MCEE: variants seen among roughly 807,000 people sequenced by gnomAD.
The protein encoded by MCEE is methylmalonyl-CoA epimerase.
In MCEE, 6 loss-of-function variants were observed where a neutral mutation model predicts 12.9. That is an observed-to-expected ratio of 0.47 (90% CI 0.26 to 0.92). MCEE has a LOEUF of 0.92. Ranked by LOEUF, MCEE falls within the 40% of genes least tolerant of loss-of-function variation. The probability of loss-of-function intolerance (pLI) is 0.16; values close to 1 mark genes in which losing one functional copy is unlikely to be tolerated. For synonymous variants in MCEE, 78 were observed against 77.9 expected (o/e 1.00, Z -0.01); for missense variants, 214 against 212.1 (o/e 1.01, Z -0.05).
intron 1 of MCEE, among the ~76,000 whole-genome samples, chr2:71,125,450 AC>A (rs1673208530): frequency 6.6e-6 from 1 of 151,184 alleles, no homozygotes; most frequent in African/African-American, 2.4e-5. Flanking sequence ...CAGGTGATCC[AC>A]CCACCTCGGC....
intron 1 of MCEE, among the ~76,000 whole-genome samples, chr2:71,126,095 C>A (rs995113703): frequency 6.6e-6 from 1 of 152,118 alleles, no homozygotes; most frequent in African/African-American, 2.4e-5. Flanking sequence ...AGCGATCCTC[C>A]GACCTTGGCT....
At chr2:71,112,969 T>C (rs976864331) in intron 2 of MCEE, among the ~76,000 whole-genome samples, 1 of 152,266 alleles carries the variant, frequency 6.6e-6, no homozygotes, top group African/African-American at 2.4e-5. Flanking sequence ...CCATATTTTT[T>C]ACCTCTTGAT....
chr2:71,114,159 C>T (rs370435716), intron 2 of MCEE, among the ~76,000 whole-genome samples: 8 of 151,628 alleles, frequency 5.3e-5, no homozygotes, highest in African/African-American at 1.4e-4. Context: ...TCAGCAGATA[C>T]GATGACTAAA....
intron 1 of MCEE, among the ~76,000 whole-genome samples, chr2:71,129,060 G>T (rs1673305304): frequency 6.6e-6 from 1 of 151,358 alleles, no homozygotes; most frequent in Non-Finnish European, 1.5e-5. Flanking sequence ...GAGACATTAA[G>T]CTTCAAGTAT....
intron 1 of MCEE, among the ~76,000 whole-genome samples, chr2:71,126,568 CAAAA>C (rs70959207): frequency 3.5e-3 from 250 of 72,140 alleles, no homozygotes; most frequent in African/African-American, 0.013. Flanking sequence ...TACATTTTAC[CAAAA>C]AAAAAAAAAA....
At chr2:71,124,060 A>G in intron 2 of MCEE, 146 bp downstream of exon 2, 1 of 639,618 alleles carries the variant, frequency 1.6e-6, no homozygotes, top group Non-Finnish European at 2.7e-6. Context: ...GTAAGGATCC[A>G]CCTTTGAGGA....
intron 2 of MCEE, among the ~76,000 whole-genome samples, chr2:71,116,368 C>T (rs1381005735): frequency 6.7e-6 from 1 of 149,726 alleles, no homozygotes; most frequent in African/African-American, 2.5e-5. Flanking sequence ...CCACCATGCC[C>T]GGCCCTTTAC....
intron 1 of MCEE, 61 bp downstream of exon 1, chr2:71,130,119 C>A: frequency 3.2e-6 from 5 of 1,555,962 alleles, no homozygotes; most frequent in Non-Finnish European, 4.4e-6. Context: ...CTCCTCCGCC[C>A]CCGACCGCCG....
intron 2 of MCEE, among the ~76,000 whole-genome samples, chr2:71,117,783 A>G (rs1354059266): frequency 6.7e-6 from 1 of 150,016 alleles, no homozygotes; most frequent in South Asian, 2.1e-4. Context: ...CAAATCCAAC[A>G]TCTCTGTCTG....
intron 2 of MCEE, chr2:71,116,847 C>G (rs562601758): frequency 1.3e-5 from 2 of 150,740 alleles, no homozygotes; most frequent in East Asian, 3.9e-4. Context: ...CCAGAATTCA[C>G]AATCTTCAGG....
At chr2:71,117,817 G>A (rs1406324053) in intron 2 of MCEE, among the ~76,000 whole-genome samples, 6 of 150,054 alleles carry the variant, frequency 4.0e-5, no homozygotes, top group Non-Finnish European at 8.8e-5. Flanking sequence ...AGGCTCCCAT[G>A]ATCCTTACTA....
rs183748479 is a variant in MCEE at position 71,115,092 on chromosome 2, T to C, written c.379-4970A>G. Among the ~76,000 whole-genome samples the C allele has an allele frequency of 1.1e-4, 16 of 152,336 alleles. No individual in the cohort carries two copies. In the East Asian group the frequency reaches 3.1e-3, roughly 29 times the overall value. On this transcript the variant is annotated intron_variant, in intron 2 of 2. Coordinates refer to ENST00000244217, the MANE Select transcript of MCEE (RefSeq NM_032601.4). ...CCTCAATCATGAATTACTTCAAGCC[T>C]GGGCACAGTGTTTCATGCTGGGCAC...
At chr2:71,115,797 T>A (rs6749520) in intron 2 of MCEE, among the ~76,000 whole-genome samples, 1 of 129,064 alleles carries the variant, frequency 7.7e-6, no homozygotes. Context: ...TGGGGAGTCA[T>A]ATACCGGGGC....
At chr2:71,117,338 T>G (rs1408193291) in intron 2 of MCEE, among the ~76,000 whole-genome samples, 1 of 150,604 alleles carries the variant, frequency 6.6e-6, no homozygotes, top group Non-Finnish European at 1.5e-5. Flanking sequence ...GTGGGGGCTA[T>G]GTGGAGTATC....
At chr2:71,112,796 A>G (rs1672916857) in intron 2 of MCEE, among the ~76,000 whole-genome samples, 1 of 152,084 alleles carries the variant, frequency 6.6e-6, no homozygotes, top group South Asian at 2.1e-4. Flanking sequence ...CCATAGAGTG[A>G]TGTTTTACAT....
intron 2 of MCEE, among the ~76,000 whole-genome samples, chr2:71,112,051 A>G (rs1470372896): frequency 1.3e-5 from 2 of 152,192 alleles, no homozygotes; most frequent in East Asian, 3.9e-4. Context: ...ATTACATGTC[A>G]TTCTATAATA....
intron 2 of MCEE, among the ~76,000 whole-genome samples, chr2:71,120,923 G>C (rs985372580): frequency 1.3e-5 from 2 of 152,124 alleles, no homozygotes; most frequent in African/African-American, 4.8e-5. Context: ...TTTTAGTAGA[G>C]ATGGGGTTTC....
Position 71,125,208 on chromosome 2 carries a change from TA to T in MCEE, c.41-666del, listed in dbSNP as rs199756531. 6.4e-3 allele frequency among the ~76,000 whole-genome samples: 398 copies of T among 61,828 alleles called. 9 individuals are homozygous for T. Among genetic ancestry groups the T allele is most frequent in the African/African-American group, 0.025 (323 of 13,136 alleles). The allele number at this position is 61,828 out of a possible 152,430, so 40.6% of individuals were successfully genotyped here. A position where few individuals can be genotyped will look rare whatever the true frequency, so the allele number is the denominator to read the frequency against. The stretch of plus-strand genomic sequence containing the variant: ...ATATAAATATATATATATATATATA[TA>T]TATTTTTTTTTTTTTTTGAGACGGA... On this transcript the variant is annotated intron_variant, in intron 1 of 2. Transcript: ENST00000244217.
chr2:71,124,254 A>G lies in MCEE; in HGVS notation c.330T>C (p.Gly110=). ...CTCCAGCCTTGTTTTTCTGCAGAAA[A>G]CCTGCAATTGGACTGTCACGTCCCA... ...HPLGRDSPIA[G]FLQKNKAGGM... The change falls in exon 2 of 3, where the codon GGT becomes GGC. Residue 110 remains glycine, a synonymous_variant. Coordinates refer to ENST00000244217, the MANE Select transcript of MCEE (RefSeq NM_032601.4). 6.2e-7 allele frequency: 1 copy of G among 1,614,098 alleles called. No homozygotes were observed. Among genetic ancestry groups the G allele is most frequent in the African/African-American group, 1.3e-5 (1 of 75,030 alleles).
Sources: allele counts gnomAD v4.1 joint callset (sites outside exome capture counted in the v4.1 genomes callset), GRCh38; gene constraint gnomAD v4.1.1; transcripts MANE v1.5; gene names NCBI Gene and HGNC (gene_info 2026-07-23, HGNC 2026-07-21).